The following GRAMD2B variants were observed in gnomAD, a reference collection of about 807,000 sequenced individuals.
The protein encoded by GRAMD2B is GRAM domain containing 2B, also known as GRAM domain-containing protein 2B.
Under a neutral mutation model 59.2 loss-of-function variants are expected in GRAMD2B, and 41 were observed. The observed-to-expected ratio is 0.69, with a 90% CI of 0.54 to 0.90. The LOEUF (loss-of-function observed/expected upper bound fraction) is 0.90, where lower values mean the gene tolerates loss of function less well. Among genes scored for constraint, GRAMD2B ranks in the 40% least tolerant of loss-of-function variants. The pLI, the probability that GRAMD2B is intolerant of heterozygous loss-of-function variation, is 0.00. For synonymous variants in GRAMD2B, 161 were observed against 182.7 expected, an observed-to-expected ratio of 0.88 and a Z score of 0.96; for missense variants, 424 against 500.5, an observed-to-expected ratio of 0.85 and a Z score of 1.46.
At chr5:126,480,566 T>C (rs760317778) in intron 7 of GRAMD2B, 39 bp downstream of exon 7, 14 of 1,605,472 alleles carry the variant, frequency 8.7e-6, no homozygotes, top group Middle Eastern at 1.7e-4. Context: ...ACTGTCTCTC[T>C]TCTGTATTTC....
intron 1 of GRAMD2B, chr5:126,465,027 G>T: frequency 9.9e-7 from 1 of 1,007,554 alleles, no homozygotes; most frequent in Non-Finnish European, 1.2e-6. Context: ...AAGGGGTGGG[G>T]GTTCCCAGCA....
chr5:126,403,761 C>T (rs1044058282), intron 1 of GRAMD2B, among the ~76,000 whole-genome samples: 12 of 151,984 alleles, frequency 7.9e-5, no homozygotes, highest in South Asian at 4.1e-4. Flanking sequence ...GAAAGACTTA[C>T]GCAGAGGAAC....
chr5:126,491,231 T>A, intron 13 of GRAMD2B, among the ~76,000 whole-genome samples: 1 of 152,202 alleles, frequency 6.6e-6, no homozygotes, highest in East Asian at 1.9e-4. Context: ...TTATTCCTTT[T>A]TCTACCTCCC....
At chr5:126,463,214 T>C (rs533488470) in intron 1 of GRAMD2B, among the ~76,000 whole-genome samples, 1 of 152,306 alleles carries the variant, frequency 6.6e-6, no homozygotes, top group East Asian at 1.9e-4. Context: ...ACAAAGATGC[T>C]GTATAGGACA....
chr5:126,441,221 T>C (rs1178910852), intron 1 of GRAMD2B, among the ~76,000 whole-genome samples: 1 of 152,208 alleles, frequency 6.6e-6, no homozygotes, highest in African/African-American at 2.4e-5. Context: ...CTTTTAGACA[T>C]TAAAATACTG....
intron 1 of GRAMD2B, 48 bp downstream of exon 1, chr5:126,423,737 G>A (rs760905046): frequency 1.9e-6 from 3 of 1,545,660 alleles, no homozygotes; most frequent in Admixed American, 2.1e-5. Flanking sequence ...GAGGAGCGCA[G>A]CCTAAACTTC....
At chr5:126,485,275 C>T (rs1772687772) in intron 10 of GRAMD2B, among the ~76,000 whole-genome samples, 1 of 151,976 alleles carries the variant, frequency 6.6e-6, no homozygotes, top group African/African-American at 2.4e-5. Flanking sequence ...TGCTTGAGCC[C>T]AGGAGGTCAA....
chr5:126,451,234 A>G (rs570280752), intron 1 of GRAMD2B, among the ~76,000 whole-genome samples: 2 of 152,354 alleles, frequency 1.3e-5, no homozygotes, highest in East Asian at 1.9e-4. Context: ...CTCCAAAACC[A>G]TGAGAAATAA....
At chr5:126,397,205 G>A (rs1169503284) in intron 1 of GRAMD2B, among the ~76,000 whole-genome samples, 1 of 151,988 alleles carries the variant, frequency 6.6e-6, no homozygotes, top group African/African-American at 2.4e-5. Context: ...TTAGCTGTGT[G>A]GTTTTCATTT....
intron 1 of GRAMD2B, among the ~76,000 whole-genome samples, chr5:126,378,130 G>A (rs1310498183): frequency 1.3e-5 from 2 of 152,096 alleles, no homozygotes; most frequent in Non-Finnish European, 2.9e-5. Context: ...CTGCATTTGT[G>A]TATGTGTCAC....
intron 6 of GRAMD2B, among the ~76,000 whole-genome samples, chr5:126,478,137 A>AG (rs1318237859): frequency 3.0e-5 from 3 of 100,022 alleles, no homozygotes; most frequent in African/African-American, 1.1e-4. Flanking sequence ...ATAGTCTTAA[A>AG]GGGAAAAAAA....
At chr5:126,451,341 A>G (rs1190548620) in intron 1 of GRAMD2B, among the ~76,000 whole-genome samples, 2 of 152,254 alleles carry the variant, frequency 1.3e-5, no homozygotes, top group African/African-American at 2.4e-5. Flanking sequence ...TAATTGGTTC[A>G]CAGTTCTGCA....
At position 126,479,780 on chromosome 5, in the gene GRAMD2B, C is replaced by G. The variant is rs138248524; in HGVS notation, c.583-676C>G. On this transcript the variant is annotated intron_variant, in intron 6 of 13. Transcript: ENST00000285689. Reference sequence around the variant, plus strand: ...CATGGAAAGGAGGTCTGAAAACATTCTATGGCATAAATAGATGGAAAAAAA... The same window carrying G: ...CATGGAAAGGAGGTCTGAAAACATTGTATGGCATAAATAGATGGAAAAAAA... Among the ~76,000 whole-genome samples the G allele has an allele frequency of 1.6e-3, 237 of 152,294 alleles. 7 individuals carry two copies. The East Asian group carries it at 0.043, about 28-fold the overall frequency.
chr5:126,415,779 GAA>G (rs1360531888), intron 1 of GRAMD2B, among the ~76,000 whole-genome samples: 1 of 151,838 alleles, frequency 6.6e-6, no homozygotes, highest in Non-Finnish European at 1.5e-5. Context: ...AAAGACTGGA[GAA>G]AAGATAACGA....
At chr5:126,456,812 G>A (rs79497299) in intron 1 of GRAMD2B, among the ~76,000 whole-genome samples, 3 of 152,176 alleles carry the variant, frequency 2.0e-5, no homozygotes, top group African/African-American at 7.2e-5. Context: ...ATTAGTAACC[G>A]CTGCCATTTT....
chr5:126,453,348 GAAAAAAAA>G (rs35983190), intron 1 of GRAMD2B, among the ~76,000 whole-genome samples: 1 of 128,192 alleles, frequency 7.8e-6, no homozygotes, highest in Admixed American at 8.0e-5. Flanking sequence ...CATCTTAAAA[GAAAAAAAA>G]AAAAAAAAAA....
chr5:126,468,147 A>T (rs1485517281), intron 2 of GRAMD2B, among the ~76,000 whole-genome samples: 3 of 152,198 alleles, frequency 2.0e-5, no homozygotes, highest in Admixed American at 6.5e-5. Flanking sequence ...TAACTCCAAA[A>T]ATCATCTATG....
rs151051938 is a variant in GRAMD2B, at chr5:126,477,717, C to T, written c.512C>T (p.Thr171Ile). The T allele has an allele frequency of 6.2e-7, 1 of 1,608,854 alleles. No homozygotes were observed. Among genetic ancestry groups the T allele is most frequent in the Non-Finnish European group, 8.5e-7 (1 of 1,175,404 alleles). Residue 171 changes from threonine to isoleucine, a missense_variant, in exon 6 of 14, where the codon ACC becomes ATC. Physicochemically the swap from Thr to Ile is moderately conservative, Grantham distance 89 (BLOSUM62 -1). Coordinates refer to ENST00000285689, the MANE Select transcript of GRAMD2B (RefSeq NM_023927.4). ...ATCTCTATTCCAGCTTTCTCGGTAA[C>T]CCTAATAAAGAAAACCAAAACTGCT... ...TKISIPAFSVTLIKKTKTALL... is the reference protein window; with the variant it reads ...TKISIPAFSVILIKKTKTALL...
chr5:126,462,539 C>T (rs762982377), intron 1 of GRAMD2B: 38 of 560,632 alleles, frequency 6.8e-5, no homozygotes, highest in Non-Finnish European at 8.4e-5. Context: ...CAAATTGACT[C>T]GTAGATGAAT....
Sources: gnomAD v4.1 joint callset for allele counts (sites outside exome capture counted in the v4.1 genomes callset) on GRCh38, gnomAD v4.1.1 for gene constraint, MANE v1.5 for transcripts, NCBI Gene and HGNC (gene_info 2026-07-23, HGNC 2026-07-21) for gene names.